Variants in CLYBL observed in about 807,000 individuals in gnomAD.
CLYBL encodes citramalyl-CoA lyase.
Under a neutral mutation model 38.9 loss-of-function variants are expected in CLYBL, and 31 were observed. The observed-to-expected ratio is 0.80, with a 90% confidence interval of 0.60 to 1.08. The LOEUF (loss-of-function observed/expected upper bound fraction) is 1.08. Ranked by LOEUF, CLYBL falls within the 50% of genes least tolerant of loss-of-function variation. The pLI, the probability that CLYBL is intolerant of heterozygous loss-of-function variation, is 0.00. For missense variants in CLYBL, 434 were observed against 411.6 expected (o/e 1.05, Z -0.47); for synonymous variants, 171 against 158.6 (o/e 1.08, Z -0.59).
rs546641878 is a variant in CLYBL, at chr13:99,851,259, C to T, written c.250-7602C>T. Among the ~76,000 whole-genome samples the T allele has an allele frequency of 4.7e-5, 7 of 148,912 alleles. No homozygotes were observed. In the East Asian group the frequency reaches 8.1e-4, roughly 17 times the overall value. ...GTGGATGCCTGTAATCCCAGCTACT[C>T]GGGAGGCTGAGGCAGGAGAATCACT... On this transcript the variant is annotated intron_variant, in intron 2 of 8. Transcript: ENST00000339105.
At chr13:99,681,950 T>C (rs1288810821) in intron 1 of CLYBL, among the ~76,000 whole-genome samples, 3 of 152,088 alleles carry the variant, frequency 2.0e-5, no homozygotes, top group African/African-American at 7.3e-5. Context: ...AGAATACGTC[T>C]TGAGAAATGC....
chr13:99,646,910 A>T (rs1332364790), intron 1 of CLYBL, among the ~76,000 whole-genome samples: 1 of 152,142 alleles, frequency 6.6e-6, no homozygotes, highest in Non-Finnish European at 1.5e-5. Flanking sequence ...GCTACTTCTC[A>T]GTACCTTCTG....
chr13:99,665,927 C>T (rs911034060), intron 1 of CLYBL, among the ~76,000 whole-genome samples: 2 of 152,158 alleles, frequency 1.3e-5, no homozygotes, highest in East Asian at 1.9e-4. Flanking sequence ...CACTCTTTAA[C>T]GACCCTACTG....
intron 1 of CLYBL, among the ~76,000 whole-genome samples, chr13:99,652,805 G>A (rs1247769467): frequency 3.3e-5 from 5 of 152,256 alleles, no homozygotes; most frequent in Admixed American, 1.3e-4. Flanking sequence ...TGTCGGAGGT[G>A]AGGATGCTAC....
At chr13:99,678,621 T>G (rs2047687861) in intron 1 of CLYBL, among the ~76,000 whole-genome samples, 1 of 152,200 alleles carries the variant, frequency 6.6e-6, no homozygotes, top group South Asian at 2.1e-4. Flanking sequence ...TGCAGATGAA[T>G]TTACACCAAC....
intron 2 of CLYBL, among the ~76,000 whole-genome samples, chr13:99,845,382 C>T (rs896355811): frequency 1.3e-5 from 2 of 152,128 alleles, no homozygotes; most frequent in Non-Finnish European, 2.9e-5. Context: ...CCTGCTTGTT[C>T]TCACGTTAAA....
intron 2 of CLYBL, among the ~76,000 whole-genome samples, chr13:99,782,813 A>T (rs1421094873): frequency 6.6e-6 from 1 of 152,050 alleles, no homozygotes; most frequent in East Asian, 1.9e-4. Flanking sequence ...CAATTCACAT[A>T]TGGCCTCTGT....
chr13:99,832,421 T>C lies in CLYBL; in HGVS notation c.250-26440T>C, dbSNP rs548300355. 3.3e-5 allele frequency among the ~76,000 whole-genome samples: 5 copies of C among 152,318 alleles called. No homozygotes were observed. In the South Asian group the frequency reaches 1.0e-3, roughly 32 times the overall value. On this transcript the variant is annotated intron_variant, in intron 2 of 8. Transcript: ENST00000339105. ...TCTTATTGAATTCAATTCAACAACA[T>C]GTATTAAATACTTACAACCTGGTAC... is the stretch of plus-strand genomic sequence containing the variant.
Position 99,829,552 on chromosome 13 carries a change from T to C in CLYBL, c.250-29309T>C, listed in dbSNP as rs187548767. Among the ~76,000 whole-genome samples, 420 of 152,304 alleles carry C rather than the reference T, an allele frequency of 2.8e-3. 4 individuals are homozygous for C. The highest frequency in any genetic ancestry group is 0.014 in the South Asian group (69 of 4,826). ...AGCAGGGTTGTTGTTGTTGTTGTCA[T>C]TACTGATCTTGGGTTTCTGGTTTAT... On this transcript the variant is annotated intron_variant, in intron 2 of 8. Transcript: ENST00000339105.
At chr13:99,879,577 C>T (rs1295020203) in intron 7 of CLYBL, among the ~76,000 whole-genome samples, 2 of 152,302 alleles carry the variant, frequency 1.3e-5, no homozygotes, top group South Asian at 2.1e-4. Context: ...CCTCCTGAGG[C>T]GCTGCCAAAT....
At chr13:99,648,945 T>C (rs1340495263) in intron 1 of CLYBL, among the ~76,000 whole-genome samples, 2 of 152,044 alleles carry the variant, frequency 1.3e-5, no homozygotes, top group Non-Finnish European at 2.9e-5. Context: ...ATTTAACCCA[T>C]CCCCAAAATT....
At chr13:99,669,104 C>T (rs945249239) in intron 1 of CLYBL, among the ~76,000 whole-genome samples, 5 of 151,528 alleles carry the variant, frequency 3.3e-5, no homozygotes, top group South Asian at 2.1e-4. Context: ...CAGGTTCAAG[C>T]GATTCTCCTG....
intron 2 of CLYBL, among the ~76,000 whole-genome samples, chr13:99,844,347 G>A (rs1322732950): frequency 6.6e-6 from 1 of 152,220 alleles, no homozygotes; most frequent in African/African-American, 2.4e-5. Flanking sequence ...GGACTGTTGT[G>A]AGGGCAAATG....
chr13:99,772,906 C>T lies in CLYBL; in HGVS notation c.145C>T (p.Leu49Phe). ...HHKYIPRRAV[L>F]YVPGNDEKKI... is the part of the protein sequence containing the mutation. The stretch of plus-strand genomic sequence containing the variant: ...CAAGTACATCCCCCGGAGGGCAGTG[C>T]TTTATGTACCTGGAAATGATGAAAA... The change falls in exon 2 of 9, where the codon CTT (leucine) becomes TTT (phenylalanine). Residue 49 changes from leucine to phenylalanine, a missense_variant. Coordinates refer to ENST00000339105, the MANE Select transcript of CLYBL (RefSeq NM_206808.5). The T allele has an allele frequency of 6.2e-7, 1 of 1,613,752 alleles. No homozygotes were observed. Among genetic ancestry groups the T allele is most frequent in the Non-Finnish European group, 8.5e-7 (1 of 1,179,832 alleles).
intron 1 of CLYBL, among the ~76,000 whole-genome samples, chr13:99,667,142 G>A (rs1370637383): frequency 6.6e-6 from 1 of 152,102 alleles, no homozygotes; most frequent in Non-Finnish European, 1.5e-5. Flanking sequence ...GGAAGATGTG[G>A]GGCTTTGGGG....
At chr13:99,897,275 T>A (rs1264926912), downstream of CLYBL, 1 of 152,180 alleles carries the variant, frequency 6.6e-6, no homozygotes, top group African/African-American at 2.4e-5. Context: ...AGGCCTTCTG[T>A]TTGTACACAG....
chr13:99,862,213 C>A lies in CLYBL; in HGVS notation c.439-778C>A, dbSNP rs184315608. 4.6e-5 allele frequency among the ~76,000 whole-genome samples: 7 copies of A among 152,078 alleles called. No individual in the cohort carries two copies. The East Asian group carries it at 1.4e-3, about 29-fold the overall frequency. On this transcript the variant is annotated intron_variant, in intron 3 of 8. Coordinates refer to ENST00000339105, the MANE Select transcript of CLYBL (RefSeq NM_206808.5). ...ATTTACAAAAATACCTTTATCATAC[C>A]TGTGTTTCTTCTCTATCTATCTCCC...
chr13:99,798,844 G>T (rs1218915172), intron 2 of CLYBL, among the ~76,000 whole-genome samples: 1 of 152,178 alleles, frequency 6.6e-6, no homozygotes, highest in Non-Finnish European at 1.5e-5. Flanking sequence ...GATTAAATTA[G>T]ATTTTTATAG....
chr13:99,683,922 G>C (rs977421977), intron 1 of CLYBL, among the ~76,000 whole-genome samples: 4 of 149,574 alleles, frequency 2.7e-5, no homozygotes, highest in African/African-American at 9.8e-5. Flanking sequence ...AGGCTGGAGA[G>C]CAGTGGCACA....
Sources: gnomAD v4.1 joint callset for allele counts (sites outside exome capture counted in the v4.1 genomes callset) on GRCh38, gnomAD v4.1.1 for gene constraint, MANE v1.5 for transcripts, NCBI Gene and HGNC (gene_info 2026-07-23, HGNC 2026-07-21) for gene names.